Variants in WDPCP observed in about 807,000 individuals in gnomAD.
WDPCP encodes the protein WD repeat containing planar cell polarity effector.
Under a neutral mutation model 93.1 loss-of-function variants are expected in WDPCP, and 71 were observed. The observed-to-expected ratio is 0.76, with a 90% CI of 0.63 to 0.93. The LOEUF (loss-of-function observed/expected upper bound fraction) is 0.93. Ranked by LOEUF, WDPCP falls within the 40% of genes least tolerant of loss-of-function variation. The probability of loss-of-function intolerance (pLI) is 0.00; values close to 1 mark genes in which losing one functional copy is unlikely to be tolerated. For synonymous variants in WDPCP, 315 were observed against 315.0 expected (o/e 1.00, Z 0.00); for missense variants, 844 against 887.4 (o/e 0.95, Z 0.62).
intron 12 of WDPCP, among the ~76,000 whole-genome samples, chr2:63,349,838 TA>T (rs796603021): frequency 1.3e-5 from 2 of 152,128 alleles, no homozygotes; most frequent in Admixed American, 6.5e-5. Flanking sequence ...CTCTGCTGAA[TA>T]AAAAAATAGC....
chr2:63,762,839 G>A (rs368472488), intron 2 of WDPCP, among the ~76,000 whole-genome samples: 9 of 152,024 alleles, frequency 5.9e-5, no homozygotes, highest in Admixed American at 4.6e-4. Flanking sequence ...GCCACATTGC[G>A]GATTAAGTTT....
At chr2:63,588,969 G>A (rs947512005), upstream of WDPCP, 2 of 1,609,880 alleles carry the variant, frequency 1.2e-6, no homozygotes, top group Non-Finnish European at 8.5e-7. Flanking sequence ...CTCCGAGTCA[G>A]TTCCGCGGTA....
chr2:63,326,373 C>G (rs1687540947), intron 12 of WDPCP, among the ~76,000 whole-genome samples: 2 of 152,090 alleles, frequency 1.3e-5, no homozygotes, highest in South Asian at 4.1e-4. Flanking sequence ...GAGTGGGATG[C>G]AAAGGGCAGG....
intron 2 of WDPCP, among the ~76,000 whole-genome samples, chr2:63,770,619 T>G (rs999669202): frequency 5.9e-5 from 9 of 151,996 alleles, no homozygotes; most frequent in African/African-American, 2.2e-4. Flanking sequence ...TGAAGACTAA[T>G]ACAGTGGTTC....
chr2:63,125,187 T>C (rs1669810327), intron 17 of WDPCP, among the ~76,000 whole-genome samples: 1 of 152,250 alleles, frequency 6.6e-6, no homozygotes, highest in Non-Finnish European at 1.5e-5. Context: ...TCAAACTGAC[T>C]GTAGTCTAGC....
intron 14 of WDPCP, among the ~76,000 whole-genome samples, chr2:63,195,735 G>T (rs1165527054): frequency 6.6e-6 from 1 of 151,944 alleles, no homozygotes; most frequent in Non-Finnish European, 1.5e-5. Context: ...TTAAGAAAAG[G>T]ATATTTCATG....
intron 2 of WDPCP, among the ~76,000 whole-genome samples, chr2:63,768,344 T>C (rs1226321946): frequency 6.6e-6 from 1 of 151,948 alleles, no homozygotes; most frequent in Non-Finnish European, 1.5e-5. Context: ...TGTTCCTTTT[T>C]TTTTTTTTTC....
chr2:63,517,788 T>A (rs982911981), intron 1 of WDPCP: 1 of 152,270 alleles, frequency 6.6e-6, no homozygotes, highest in African/African-American at 2.4e-5. Flanking sequence ...GTTTTACATG[T>A]CATATTACTA....
chr2:63,383,110 A>G (rs1284567532), intron 10 of WDPCP, among the ~76,000 whole-genome samples: 1 of 152,168 alleles, frequency 6.6e-6, no homozygotes, highest in East Asian at 1.9e-4. Context: ...TCATAATAAA[A>G]TCATTGAAAG....
At chr2:63,238,765 G>T (rs1679619920) in intron 14 of WDPCP, among the ~76,000 whole-genome samples, 1 of 152,250 alleles carries the variant, frequency 6.6e-6, no homozygotes, top group Non-Finnish European at 1.5e-5. Context: ...TGTATTTGTA[G>T]AATAGGGGAG....
At chr2:63,790,690 T>C (rs1234260721) in intron 2 of WDPCP, among the ~76,000 whole-genome samples, 3 of 152,184 alleles carry the variant, frequency 2.0e-5, no homozygotes, top group Non-Finnish European at 4.4e-5. Context: ...AAGCGAGAAC[T>C]AACTGATGAT....
At chr2:63,490,934 T>C (rs1389093760) in intron 2 of WDPCP, among the ~76,000 whole-genome samples, 1 of 152,150 alleles carries the variant, frequency 6.6e-6, no homozygotes, top group Non-Finnish European at 1.5e-5. Flanking sequence ...AAAACCTAGT[T>C]ATATGAGAAT....
chr2:63,210,502 G>C (rs1477657199), intron 14 of WDPCP, among the ~76,000 whole-genome samples: 3 of 152,314 alleles, frequency 2.0e-5, no homozygotes, highest in East Asian at 3.9e-4. Flanking sequence ...GATAGGAACA[G>C]CTCCAGTCTA....
At position 63,557,638 on chromosome 2, in the gene WDPCP, T is replaced by A. The variant is rs140414757; in HGVS notation, c.75+30559A>T. Among the ~76,000 whole-genome samples the A allele has an allele frequency of 2.7e-4, 41 of 151,928 alleles. No homozygotes were observed. In the Middle Eastern group the frequency reaches 0.01, roughly 38 times the overall value. On this transcript the variant is annotated intron_variant, in intron 1 of 17. Coordinates refer to ENST00000272321, the MANE Select transcript of WDPCP (RefSeq NM_015910.7). The stretch of plus-strand genomic sequence containing the variant: ...TTCAGGACTTGAGCTCAGCTCTGGA[T>A]CAAGTAGACTTGACAGACATCTATA...
chr2:63,819,191 G>A (rs1277544600), intron 1 of WDPCP, among the ~76,000 whole-genome samples: 1 of 152,140 alleles, frequency 6.6e-6, no homozygotes, highest in African/African-American at 2.4e-5. Context: ...TTTATTAGTA[G>A]TGTGACCTTG....
At chr2:63,666,855 A>T (rs1278150256) in intron 2 of WDPCP, among the ~76,000 whole-genome samples, 1 of 152,178 alleles carries the variant, frequency 6.6e-6, no homozygotes, top group Non-Finnish European at 1.5e-5. Flanking sequence ...CTGGAGAATC[A>T]AGGAAATCAG....
At chr2:63,805,431 C>A (rs1431346328) in intron 2 of WDPCP, among the ~76,000 whole-genome samples, 1 of 152,214 alleles carries the variant, frequency 6.6e-6, no homozygotes, top group Non-Finnish European at 1.5e-5. Flanking sequence ...CTATCCCACT[C>A]ATACTCTGTC....
intron 2 of WDPCP, among the ~76,000 whole-genome samples, chr2:63,801,874 T>C (rs567258155): frequency 1.5e-3 from 229 of 152,318 alleles, no homozygotes; most frequent in Non-Finnish European, 2.5e-3. Flanking sequence ...GGAAGTCACA[T>C]TGTCTTTTAG....
chr2:63,471,328 G>T (rs1699677349), intron 6 of WDPCP, among the ~76,000 whole-genome samples: 1 of 152,220 alleles, frequency 6.6e-6, no homozygotes, highest in Non-Finnish European at 1.5e-5. Flanking sequence ...TCTAAAAGAA[G>T]GCGAAGAGCA....
Sources: allele counts gnomAD v4.1 joint callset (sites outside exome capture counted in the v4.1 genomes callset), GRCh38; gene constraint gnomAD v4.1.1; transcripts MANE v1.5; gene names NCBI Gene and HGNC (gene_info 2026-07-23, HGNC 2026-07-21).